OR4F5: variants seen among roughly 807,000 people sequenced by gnomAD.
OR4F5 encodes olfactory receptor 4F5.
A neutral mutation model predicts 5.8 loss-of-function variants in OR4F5; 1 was observed. The ratio of observed to expected loss-of-function variants is 0.17; its 90% CI spans 0.06 to 0.82. The LOEUF (loss-of-function observed/expected upper bound fraction) is 0.82, where lower values mean the gene tolerates loss of function less well. Among genes scored for constraint, OR4F5 ranks in the 40% least tolerant of loss-of-function variants. The probability of loss-of-function intolerance (pLI) is 0.72; values close to 1 mark genes in which losing one functional copy is unlikely to be tolerated. For missense variants in OR4F5, 47 were observed against 175.5 expected, an observed-to-expected ratio of 0.27 and a Z score of 4.14; for synonymous variants, 18 against 63.7, an observed-to-expected ratio of 0.28 and a Z score of 3.42.
chr1:68,335 T>C (rs1157629774), intron 2 of OR4F5, among the ~76,000 whole-genome samples: 1 of 111,702 alleles, frequency 9.0e-6, no homozygotes, highest in Non-Finnish European at 2.2e-5. Context: ...TTAAAATAAT[T>C]ACTTGGCTTC....
chr1:66,226 T>TTATATAATATATATTATATTATATAA (rs1639935117), intron 2 of OR4F5, among the ~76,000 whole-genome samples: 2 of 21,540 alleles, frequency 9.3e-5, no homozygotes, highest in Admixed American at 7.9e-4. Flanking sequence ...ATAATATATA[T>TTATATAATATATATTATATTATATAA]TATATAATAT....
Position 68,253 on chromosome 1 carries a change from A to C in OR4F5, c.10-784A>C, listed in dbSNP as rs1639965421. ...CTACTTTAATACGTTGCTCGATGGG[A>C]TCTTACAGGTCTTCATTCACCCCTT... On this transcript the variant is annotated intron_variant, in intron 2 of 2. Transcript: ENST00000641515. 1.9e-5 allele frequency among the ~76,000 whole-genome samples: 2 copies of C among 105,504 alleles called. 1 individual carries two copies. Among genetic ancestry groups the C allele is most frequent in the Non-Finnish European group, 4.7e-5 (2 of 42,372 alleles). 69.2% of individuals were successfully genotyped at this position (105,504 alleles called of 152,430 possible).
At chr1:66,372 T>TATA (rs1451431882) in intron 2 of OR4F5, among the ~76,000 whole-genome samples, 538 of 28,758 alleles carry the variant, frequency 0.019, 17 homozygotes, top group South Asian at 0.03. Flanking sequence ...ATAAATATAA[T>TATA]ATATAAATTA....
intron 2 of OR4F5, among the ~76,000 whole-genome samples, chr1:66,108 C>A (rs1334882641): frequency 8.8e-6 from 1 of 113,330 alleles, no homozygotes; most frequent in Non-Finnish European, 2.0e-5. Context: ...TGTGCCAGAA[C>A]CCAAATGCCT....
chr1:66,481 T>TATATAATA (rs1639946791), intron 2 of OR4F5, among the ~76,000 whole-genome samples: 1 of 25,146 alleles, frequency 4.0e-5, no homozygotes, highest in Non-Finnish European at 1.1e-4. Flanking sequence ...ATATTATATA[T>TATATAATA]TTATAGAATA....
At chr1:66,550 CAT>C (rs1400074784) in intron 2 of OR4F5, among the ~76,000 whole-genome samples, 7 of 60,038 alleles carry the variant, frequency 1.2e-4, no homozygotes, top group African/African-American at 2.4e-4. Flanking sequence ...TTATATATAA[CAT>C]ATATTATTAT....
At position 68,299 on chromosome 1, in the gene OR4F5, C is replaced by A. The variant is rs1431730351; in HGVS notation, c.10-738C>A. 2.8e-4 allele frequency among the ~76,000 whole-genome samples: 31 copies of A among 112,688 alleles called. 2 individuals carry two copies. Among genetic ancestry groups the A allele is most frequent in the African/African-American group, 8.1e-4 (30 of 37,020 alleles). The allele number at this position is 112,688 out of a possible 152,430, so 73.9% of individuals were successfully genotyped here. A position where few individuals can be genotyped will look rare whatever the true frequency, so the allele number is the denominator to read the frequency against. On this transcript the variant is annotated intron_variant, in intron 2 of 2. Transcript: ENST00000641515. ...CCCTTTCCTGCTCACACAACCACAA[C>A]CTGCAGCTATTACCTATTGTTAGGC... is the stretch of plus-strand genomic sequence containing the variant.
At chr1:66,596 AT>A (rs1426141948) in intron 2 of OR4F5, among the ~76,000 whole-genome samples, 2,549 of 88,424 alleles carry the variant, frequency 0.029, 104 homozygotes, top group Non-Finnish European at 0.049. Flanking sequence ...ATATAAATAT[AT>A]TTATATATTA....
chr1:68,071 C>A (rs1335563815), intron 2 of OR4F5, among the ~76,000 whole-genome samples: 2 of 46,058 alleles, frequency 4.3e-5, no homozygotes, highest in African/African-American at 9.3e-5. Flanking sequence ...CCAATCCTCA[C>A]AGAACTTCTA....
In OR4F5 at chr1:70,666, G is replaced by A. The variant is rs1342589428; in HGVS notation, c.*658G>A. On this transcript the variant is annotated 3_prime_UTR_variant, in exon 3 of 3. Coordinates refer to ENST00000641515, the MANE Select transcript of OR4F5 (RefSeq NM_001005484.2). ...TTAGAGGGATCCAGGCTCTCATCAC[G>A]TTGGCACAAAGTATATTACTTGGAT... 7.6e-5 allele frequency: 9 copies of A among 118,476 alleles called. No individual in the cohort carries two copies. The highest frequency in any genetic ancestry group is 4.4e-4 in the Admixed American group (5 of 11,492). The allele number at this position is 118,476 out of a possible 1,614,324, so 7.3% of individuals were successfully genotyped here.
chr1:66,253 TATATAATATAA>T lies in OR4F5; in HGVS notation c.9+694_9+704del, dbSNP rs1246065101. On this transcript the variant is annotated intron_variant, in intron 2 of 2. Coordinates refer to ENST00000641515, the MANE Select transcript of OR4F5 (RefSeq NM_001005484.2). Reference sequence around the variant, plus strand: ...ATATAATATATATTATATTATATAATATATAATATAAATATAATATAAATTATATTATATAA... The same window carrying T: ...ATATAATATATATTATATTATATAATATATAATATAAATTATATTATATAA... Among the ~76,000 whole-genome samples the T allele has an allele frequency of 3.9e-3, 103 of 26,708 alleles. 3 individuals are homozygous for T. The highest frequency in any genetic ancestry group is 0.014 in the African/African-American group (94 of 6,560). The allele number at this position is 26,708 out of a possible 152,430, so 17.5% of individuals were successfully genotyped here.
chr1:66,881 G>A (rs1362871332), intron 2 of OR4F5, among the ~76,000 whole-genome samples: 7 of 106,388 alleles, frequency 6.6e-5, no homozygotes, highest in African/African-American at 1.7e-4. Flanking sequence ...ACAAATTCAG[G>A]AGAGAGATGT....
rs1348876900 is a variant in OR4F5, at chr1:67,236, A to G, written c.9+1663A>G. On this transcript the variant is annotated intron_variant, in intron 2 of 2. Coordinates refer to ENST00000641515, the MANE Select transcript of OR4F5 (RefSeq NM_001005484.2). ...TATATTTATTACCGTGCTAAGCAGA[A>G]GAGAAATGAAGTGAATGTTCATGAT... 3.4e-5 allele frequency among the ~76,000 whole-genome samples: 4 copies of G among 117,724 alleles called. 1 individual carries two copies. The highest frequency in any genetic ancestry group is 8.4e-5 in the Admixed American group (1 of 11,866). 77.2% of individuals were successfully genotyped at this position (117,724 alleles called of 152,430 possible). A position where few individuals can be genotyped will look rare whatever the true frequency, so the allele number is the denominator to read the frequency against.
chr1:66,576 AATATATATTATATAAATATAT>A (rs1231127058), intron 2 of OR4F5, among the ~76,000 whole-genome samples: 1 of 53,164 alleles, frequency 1.9e-5, no homozygotes, highest in Non-Finnish European at 5.1e-5. Flanking sequence ...AAATATGTAT[AATATATATTATATAAATATAT>A]TTATATATTA....
chr1:68,327 A>C (rs1472453632), intron 2 of OR4F5, among the ~76,000 whole-genome samples: 1 of 112,650 alleles, frequency 8.9e-6, no homozygotes, highest in African/African-American at 2.7e-5. Context: ...TGTTAGGCTT[A>C]AAATAATTAC....
intron 2 of OR4F5, among the ~76,000 whole-genome samples, chr1:66,331 ATATTT>A (rs1557435428): frequency 1.4e-4 from 6 of 43,946 alleles, no homozygotes; most frequent in Non-Finnish European, 3.3e-4. Context: ...AATATAATAT[ATATTT>A]TATTATATAA....
chr1:67,308 C>G lies in OR4F5; in HGVS notation c.10-1729C>G, dbSNP rs1639957732. 1.8e-5 allele frequency among the ~76,000 whole-genome samples: 2 copies of G among 110,792 alleles called. 1 individual carries two copies. Among genetic ancestry groups the G allele is most frequent in the Non-Finnish European group, 4.5e-5 (2 of 44,674 alleles). The allele number at this position is 110,792 out of a possible 152,430, so 72.7% of individuals were successfully genotyped here. ...CTTTATTCTTAAAAATATTTAAGATCACTAAATTTTTATAGGACTTTAAAA... is the reference window on the plus strand; with the variant it reads ...CTTTATTCTTAAAAATATTTAAGATGACTAAATTTTTATAGGACTTTAAAA... On this transcript the variant is annotated intron_variant, in intron 2 of 2. Coordinates refer to ENST00000641515, the MANE Select transcript of OR4F5 (RefSeq NM_001005484.2).
intron 2 of OR4F5, among the ~76,000 whole-genome samples, chr1:65,974 A>G (rs531923826): frequency 0.013 from 1,546 of 115,188 alleles, 24 homozygotes; most frequent in African/African-American, 0.041. Flanking sequence ...ACATAAAGGT[A>G]CAAATCATAC....
At chr1:66,508 A>G (rs1164871315) in intron 2 of OR4F5, among the ~76,000 whole-genome samples, 2 of 76,476 alleles carry the variant, frequency 2.6e-5, no homozygotes, top group African/African-American at 7.9e-5. Context: ...ATATTTTATT[A>G]TATAATATAT....
Sources: gnomAD v4.1 joint callset for allele counts (sites outside exome capture counted in the v4.1 genomes callset) on GRCh38, gnomAD v4.1.1 for gene constraint, MANE v1.5 for transcripts, NCBI Gene and HGNC (gene_info 2026-07-23, HGNC 2026-07-21) for gene names.